FLNB: variants seen among roughly 807,000 people sequenced by gnomAD.
The protein encoded by FLNB is filamin-B.
FLNB carries 111 observed loss-of-function variants against 250.6 expected under a neutral mutation model. The observed-to-expected ratio is 0.44, with a 90% CI of 0.38 to 0.52. The LOEUF is 0.52. FLNB is among the 20% of genes least tolerant of loss of function. The pLI, the probability that FLNB is intolerant of heterozygous loss-of-function variation, is 0.00. For synonymous variants in FLNB, 1,302 were observed against 1,372.1 expected, an observed-to-expected ratio of 0.95 and a Z score of 1.13; for missense variants, 2,869 against 3,447.8, an observed-to-expected ratio of 0.83 and a Z score of 4.20.
intron 7 of FLNB, among the ~76,000 whole-genome samples, 195 bp from the exon 8 acceptor site, chr3:58,098,516 T>C (rs1372608322): frequency 6.6e-6 from 1 of 152,120 alleles, no homozygotes; most frequent in Non-Finnish European, 1.5e-5. Flanking sequence ...TTTTTTTTAG[T>C]AGAGACGGAT....
rs759704906 is a variant in FLNB at position 58,169,648 on chromosome 3, A to G, written c.7476A>G (p.Ser2492=). ...AGACCTCATCCATCCTGGTGGAGTC[A>G]GTGACCAGGTCGTCTACAGAGACCT... ...ANETSSILVE[S]VTRSSTETCY... is the part of the protein sequence containing the mutation. The change falls in exon 45 of 46, where the codon TCA becomes TCG. Residue 2492 remains serine, a synonymous_variant. Transcript: ENST00000295956. This position sits in a 1 kb window ranked among gnomAD's most constrained non-coding sequence, Gnocchi z 4.8. 2.4e-5 allele frequency: 38 copies of G among 1,613,886 alleles called. No individual in the cohort carries two copies. Among genetic ancestry groups the G allele is most frequent in the Non-Finnish European group, 3.1e-5 (37 of 1,179,938 alleles).
In FLNB at chr3:58,109,315, C is replaced by T; in HGVS notation, c.2192C>T (p.Pro731Leu). 1 of 1,613,632 alleles carries T rather than the reference C, an allele frequency of 6.2e-7. No homozygotes were observed. The change falls in exon 14 of 46, where the codon CCC (proline) becomes CTC (leucine). Residue 731 changes from proline (P) to leucine (L), a missense_variant. This residue lies in a region of FLNB where 1,348 missense variants were observed against 1,466.7 expected (regional missense o/e 0.92). Coordinates refer to ENST00000295956, the MANE Select transcript of FLNB (RefSeq NM_001457.4). Reference protein sequence around the residue: ...VWGGVNIPHSPYRVNIGQGSH... With the variant: ...VWGGVNIPHSLYRVNIGQGSH... ...GGAGGCGTGAACATCCCGCACAGCC[C>T]CTACAGGGTAGGTTGTGAGGCAGAA...
At chr3:58,115,265 A>T (rs1224200797) in intron 18 of FLNB, among the ~76,000 whole-genome samples, 1 of 152,222 alleles carries the variant, frequency 6.6e-6, no homozygotes, top group African/African-American at 2.4e-5. Flanking sequence ...CTTTGTTGCC[A>T]AATTCTCCAT....
chr3:58,095,045 T>A, intron 5 of FLNB, 91 bp downstream of exon 5: 1 of 1,023,692 alleles, frequency 9.8e-7, no homozygotes, highest in Non-Finnish European at 1.6e-6. Context: ...CCATTTTCAT[T>A]TCAGCTCACA....
intron 4 of FLNB, among the ~76,000 whole-genome samples, chr3:58,089,668 A>G (rs974485940): frequency 1.3e-5 from 2 of 152,248 alleles, no homozygotes; most frequent in Admixed American, 1.3e-4. Context: ...TTTAGGAGAT[A>G]AAAAGAACCA....
At chr3:58,045,477 T>C (rs1457622047) in intron 1 of FLNB, among the ~76,000 whole-genome samples, 1 of 152,182 alleles carries the variant, frequency 6.6e-6, no homozygotes, top group Non-Finnish European at 1.5e-5. Context: ...CGCATTTGTT[T>C]TTTAAAGCTC....
intron 1 of FLNB, among the ~76,000 whole-genome samples, chr3:58,024,693 C>T (rs1205357499): frequency 8.3e-6 from 1 of 121,162 alleles, no homozygotes; most frequent in Non-Finnish European, 1.9e-5. Flanking sequence ...GTCTTCTGGC[C>T]AAGCCTCCTT....
intron 9 of FLNB, among the ~76,000 whole-genome samples, chr3:58,103,599 G>GAA (rs1401993236): frequency 3.9e-5 from 6 of 152,154 alleles, no homozygotes; most frequent in Non-Finnish European, 7.3e-5. Context: ...GTTTTTGTGG[G>GAA]GGACTAGGAA....
At chr3:58,018,576 C>T (rs2097109186) in intron 1 of FLNB, among the ~76,000 whole-genome samples, 1 of 147,870 alleles carries the variant, frequency 6.8e-6, no homozygotes. Context: ...AGTACAGTGG[C>T]GCGATCTTGG....
At chr3:58,125,770 T>C (rs2107185087) in intron 23 of FLNB, 27 bp downstream of exon 23, 1 of 1,611,872 alleles carries the variant, frequency 6.2e-7, no homozygotes, top group African/African-American at 1.3e-5. Flanking sequence ...ATTTGGTGTC[T>C]TGAGTCTCAC....
intron 1 of FLNB, among the ~76,000 whole-genome samples, chr3:58,033,977 C>T (rs574608490): frequency 6.6e-6 from 1 of 152,062 alleles, no homozygotes; most frequent in South Asian, 2.1e-4. Flanking sequence ...TCTCCTGCCT[C>T]AGCCTTCTGA....
chr3:58,148,163 T>TAACC (rs746475269), intron 34 of FLNB, 43 bp from the exon 35 acceptor site: 2 of 1,608,028 alleles, frequency 1.2e-6, no homozygotes, highest in East Asian at 4.5e-5. Flanking sequence ...GAAGCCAGGG[T>TAACC]AACCACATGT....
chr3:58,125,808 C>A, intron 23 of FLNB, 65 bp downstream of exon 23: 1 of 1,462,100 alleles, frequency 6.8e-7, no homozygotes, highest in South Asian at 1.1e-5. Context: ...ACCTATGTGT[C>A]ATGGTTTCCT....
intron 1 of FLNB, among the ~76,000 whole-genome samples, chr3:58,061,190 A>G (rs781177946): frequency 6.6e-6 from 1 of 152,152 alleles, no homozygotes; most frequent in South Asian, 2.1e-4. Flanking sequence ...GTCTGGGAAC[A>G]GTTTTTTGTC....
chr3:58,140,700 C>G (rs925514183), intron 29 of FLNB, among the ~76,000 whole-genome samples: 2 of 152,108 alleles, frequency 1.3e-5, no homozygotes, highest in Non-Finnish European at 2.9e-5. Flanking sequence ...CCTCCACCTC[C>G]TGGGTTTAAG....
At chr3:58,026,472 T>C (rs2097123804) in intron 1 of FLNB, among the ~76,000 whole-genome samples, 1 of 152,150 alleles carries the variant, frequency 6.6e-6, no homozygotes, top group African/African-American at 2.4e-5. Flanking sequence ...GACAATATTT[T>C]TACAGTGGTT....
At chr3:58,052,534 A>C (rs1484075116) in intron 1 of FLNB, among the ~76,000 whole-genome samples, 1 of 152,196 alleles carries the variant, frequency 6.6e-6, no homozygotes, top group Non-Finnish European at 1.5e-5. Flanking sequence ...TTTGGTCAGA[A>C]AAACCAGACT....
intron 12 of FLNB, 105 bp downstream of exon 12, chr3:58,106,978 A>G: frequency 1.2e-6 from 1 of 835,796 alleles, no homozygotes; most frequent in Non-Finnish European, 2.0e-6. Flanking sequence ...GCAGAGAGGA[A>G]TCATTTGGAT....
intron 1 of FLNB, among the ~76,000 whole-genome samples, chr3:58,009,875 T>G (rs2106661542): frequency 6.6e-6 from 1 of 152,180 alleles, no homozygotes; most frequent in South Asian, 2.1e-4. Context: ...AAGGATGAAG[T>G]CTCCCTTGTG....
Sources: gnomAD v4.1 joint callset for allele counts (sites outside exome capture counted in the v4.1 genomes callset) on GRCh38, gnomAD v4.1.1 for gene constraint, gnomAD v4.1.1 regional missense constraint, Gnocchi (gnomAD v3.1) non-coding constraint, MANE v1.5 for transcripts, NCBI Gene and HGNC (gene_info 2026-07-23, HGNC 2026-07-21) for gene names.